The following SRBD1 variants were observed in gnomAD, a reference collection of about 807,000 sequenced individuals.
SRBD1 encodes the protein S1 RNA-binding domain-containing protein 1.
SRBD1 carries 88 observed loss-of-function variants against 115.3 expected under a neutral mutation model. The observed-to-expected ratio is 0.76, with a 90% CI of 0.64 to 0.91. The LOEUF (loss-of-function observed/expected upper bound fraction) is 0.91. Among genes scored for constraint, SRBD1 ranks in the 40% least tolerant of loss-of-function variants. The probability of loss-of-function intolerance (pLI) is 0.00; values close to 1 mark genes in which losing one functional copy is unlikely to be tolerated. For missense variants in SRBD1, 1,385 were observed against 1,177.4 expected, an observed-to-expected ratio of 1.18 and a Z score of -2.58; for synonymous variants, 509 against 407.7, an observed-to-expected ratio of 1.25 and a Z score of -2.99.
intron 14 of SRBD1, among the ~76,000 whole-genome samples, chr2:45,511,076 T>C (rs1018064973): frequency 1.1e-4 from 16 of 152,224 alleles, no homozygotes; most frequent in Non-Finnish European, 2.9e-5. Flanking sequence ...CTCCCTCTTT[T>C]GACAAGGTCA....
At chr2:45,479,685 C>G (rs1669904361) in intron 15 of SRBD1, among the ~76,000 whole-genome samples, 1 of 152,180 alleles carries the variant, frequency 6.6e-6, no homozygotes. Flanking sequence ...ACAGCAATTG[C>G]TGATGTAGAA....
intron 4 of SRBD1, among the ~76,000 whole-genome samples, chr2:45,598,146 C>A (rs1673962848): frequency 6.6e-6 from 1 of 152,204 alleles, no homozygotes; most frequent in African/African-American, 2.4e-5. Context: ...CTTTAAAACA[C>A]TGCCTTCTAG....
chr2:45,427,720 A>C (rs1668199898), intron 16 of SRBD1, among the ~76,000 whole-genome samples: 1 of 152,210 alleles, frequency 6.6e-6, no homozygotes, highest in South Asian at 2.1e-4. Flanking sequence ...CCTGAATAAA[A>C]TACTGGCAAA....
At position 45,389,225 on chromosome 2, in the gene SRBD1, A is replaced by C; in HGVS notation, c.*85T>G. On this transcript the variant is annotated 3_prime_UTR_variant, in exon 21 of 21. Coordinates refer to ENST00000263736, the MANE Select transcript of SRBD1 (RefSeq NM_018079.5). ...TTAAGTGAATTATTTCTCATCTGCT[A>C]CCTAGAGTTTACAAACAACTGACTT... 1 of 1,444,316 alleles carries C rather than the reference A, an allele frequency of 6.9e-7. No individual in the cohort carries two copies. Among genetic ancestry groups the C allele is most frequent in the Non-Finnish European group, 9.4e-7 (1 of 1,062,962 alleles). The allele number at this position is 1,444,316 out of a possible 1,614,324, so 89.5% of individuals were successfully genotyped here. A position where few individuals can be genotyped will look rare whatever the true frequency, so the allele number is the denominator to read the frequency against.
At chr2:45,608,863 C>A (rs1674355071) in intron 1 of SRBD1, among the ~76,000 whole-genome samples, 1 of 151,482 alleles carries the variant, frequency 6.6e-6, no homozygotes, top group East Asian at 1.9e-4. Flanking sequence ...TGTCACCCAG[C>A]CTGGAGTGAT....
At position 45,585,687 on chromosome 2, in the gene SRBD1, T is replaced by A. The variant is rs959463380; in HGVS notation, c.736A>T (p.Ile246Leu). Residue 246 changes from isoleucine to leucine, a missense_variant, in exon 5 of 21, where the codon ATA becomes TTA. Coordinates refer to ENST00000263736, the MANE Select transcript of SRBD1 (RefSeq NM_018079.5). ...FNDDNTIPFI[I>L]RYRKELINNL... is the part of the protein sequence containing the mutation. The stretch of plus-strand genomic sequence containing the variant: ...TTAATGAGCTCTTTTCTATAACGTA[T>A]AATGAAGGGAATTGTGTTATCATCA... 6.2e-7 allele frequency: 1 copy of A among 1,613,092 alleles called. No homozygotes were observed. The highest frequency in any genetic ancestry group is 1.1e-5 in the South Asian group (1 of 90,870).
intron 4 of SRBD1, among the ~76,000 whole-genome samples, chr2:45,593,591 C>G (rs7565332): frequency 0.29 from 44,024 of 152,096 alleles, 8,058 homozygotes; most frequent in African/African-American, 0.52. Flanking sequence ...TTGGCATCAA[C>G]CAAATAAACT....
At chr2:45,541,991 G>A (rs960537472) in intron 14 of SRBD1, among the ~76,000 whole-genome samples, 4 of 152,242 alleles carry the variant, frequency 2.6e-5, no homozygotes, top group Non-Finnish European at 4.4e-5. Context: ...GTAGGCCCTG[G>A]CTTGGAGGTG....
chr2:45,570,894 TG>T (rs1481785334), intron 9 of SRBD1, among the ~76,000 whole-genome samples: 1 of 152,126 alleles, frequency 6.6e-6, no homozygotes, highest in Non-Finnish European at 1.5e-5. Context: ...GCCTCCCAGG[TG>T]GCCTTTGTCA....
At chr2:45,591,401 G>T (rs992500950) in intron 4 of SRBD1, among the ~76,000 whole-genome samples, 1 of 152,124 alleles carries the variant, frequency 6.6e-6, no homozygotes, top group Non-Finnish European at 1.5e-5. Flanking sequence ...TCCAATTCCC[G>T]AGTTTTCAGG....
At chr2:45,496,411 CA>C (rs1291087155) in intron 14 of SRBD1, among the ~76,000 whole-genome samples, 3 of 150,432 alleles carry the variant, frequency 2.0e-5, no homozygotes, top group South Asian at 2.1e-4. Context: ...AGAATGACAA[CA>C]AAAAAGAAAA....
At chr2:45,584,789 G>A (rs1673466792) in intron 5 of SRBD1, among the ~76,000 whole-genome samples, 1 of 152,072 alleles carries the variant, frequency 6.6e-6, no homozygotes, top group Admixed American at 6.6e-5. Flanking sequence ...TTTTAAAAAG[G>A]TACTTTCCAT....
At chr2:45,479,436 A>G (rs1572685696) in intron 15 of SRBD1, among the ~76,000 whole-genome samples, 1 of 152,258 alleles carries the variant, frequency 6.6e-6, no homozygotes, top group East Asian at 1.9e-4. Context: ...CAGTGGACAC[A>G]CAAATGATAA....
intron 7 of SRBD1, among the ~76,000 whole-genome samples, chr2:45,578,006 T>C (rs187442525): frequency 2.6e-5 from 4 of 152,258 alleles, no homozygotes; most frequent in African/African-American, 4.8e-5. Flanking sequence ...CAAGTGTCCA[T>C]TGTCATATAT....
At chr2:45,419,538 C>G (rs1054075934) in intron 17 of SRBD1, among the ~76,000 whole-genome samples, 2 of 152,190 alleles carry the variant, frequency 1.3e-5, no homozygotes, top group Non-Finnish European at 2.9e-5. Context: ...CTATTAGCAA[C>G]ACTAATACAC....
chr2:45,604,394 A>AGGGGGGGGGGG (rs1674198874), intron 2 of SRBD1, among the ~76,000 whole-genome samples: 22 of 141,030 alleles, frequency 1.6e-4, no homozygotes, highest in African/African-American at 2.2e-4. Flanking sequence ...AGGGGGGTGG[A>AGGGGGGGGGGG]GGAAGGGGAG....
intron 15 of SRBD1, among the ~76,000 whole-genome samples, chr2:45,485,262 T>A (rs1670083165): frequency 6.6e-6 from 1 of 152,186 alleles, no homozygotes; most frequent in East Asian, 1.9e-4. Context: ...CCATCCCAGG[T>A]TAGTTCTGTA....
At chr2:45,527,417 T>C (rs1229080366) in intron 14 of SRBD1, among the ~76,000 whole-genome samples, 1 of 151,852 alleles carries the variant, frequency 6.6e-6, no homozygotes, top group Non-Finnish European at 1.5e-5. Flanking sequence ...GTGAGATTAA[T>C]TCTAACCTGA....
intron 16 of SRBD1, among the ~76,000 whole-genome samples, chr2:45,465,186 A>G (rs145983664): frequency 4.1e-4 from 62 of 152,204 alleles, no homozygotes; most frequent in African/African-American, 1.5e-3. Context: ...TGTACTTTAA[A>G]TCATCTCTAG....
Sources: gnomAD v4.1 joint callset for allele counts (sites outside exome capture counted in the v4.1 genomes callset) on GRCh38, gnomAD v4.1.1 for gene constraint, MANE v1.5 for transcripts, NCBI Gene and HGNC (gene_info 2026-07-23, HGNC 2026-07-21) for gene names.